Variants in DOCK2 observed in about 807,000 individuals in gnomAD.
DOCK2 encodes dedicator of cytokinesis 2.
A neutral mutation model predicts 248.9 loss-of-function variants in DOCK2; 87 were observed. The ratio of observed to expected loss-of-function variants is 0.35; its 90% CI spans 0.29 to 0.42. The LOEUF (loss-of-function observed/expected upper bound fraction) is 0.42. Ranked by LOEUF, DOCK2 falls within the 10% of genes least tolerant of loss-of-function variation. The pLI, the probability that DOCK2 is intolerant of heterozygous loss-of-function variation, is 1.00. For synonymous variants in DOCK2, 805 were observed against 821.6 expected (o/e 0.98, Z 0.35); for missense variants, 1,747 against 2,300.2 (o/e 0.76, Z 4.92).
intron 25 of DOCK2, among the ~76,000 whole-genome samples, chr5:169,771,238 C>T (rs920958976): frequency 6.6e-6 from 1 of 152,168 alleles, no homozygotes; most frequent in Non-Finnish European, 1.5e-5. Flanking sequence ...CTTTGCCACT[C>T]GTGTTTTGTT....
intron 27 of DOCK2, among the ~76,000 whole-genome samples, chr5:169,848,504 T>TACTG (rs1421849018): frequency 3.3e-5 from 5 of 152,232 alleles, no homozygotes; most frequent in African/African-American, 4.8e-5. Context: ...TGCATCCTGT[T>TACTG]ACTGACTGCT....
chr5:170,082,962 C>A lies in DOCK2; in HGVS notation c.*104C>A. 1 of 1,460,472 alleles carries A rather than the reference C, an allele frequency of 6.8e-7. No homozygotes were observed. Among genetic ancestry groups the A allele is most frequent in the East Asian group, 2.3e-5 (1 of 43,356 alleles). 90.5% of individuals were successfully genotyped at this position (1,460,472 alleles called of 1,614,324 possible). On this transcript the variant is annotated 3_prime_UTR_variant, in exon 52 of 52. Transcript: ENST00000520908. ...AGCCTCAGAGAGTGGGAGACTGTCCCCATCAGTTGTCCTTACTTAGAGGAG... is the reference window on the plus strand; with the variant it reads ...AGCCTCAGAGAGTGGGAGACTGTCCACATCAGTTGTCCTTACTTAGAGGAG...
At chr5:169,851,547 T>C (rs1003307512) in intron 27 of DOCK2, among the ~76,000 whole-genome samples, 3 of 152,220 alleles carry the variant, frequency 2.0e-5, no homozygotes, top group East Asian at 3.9e-4. Flanking sequence ...ACTGCTGCCA[T>C]TGCTGTTGCT....
intron 33 of DOCK2, among the ~76,000 whole-genome samples, chr5:170,023,660 C>A (rs1207184007): frequency 1.3e-5 from 2 of 152,172 alleles, no homozygotes; most frequent in Admixed American, 1.3e-4. Flanking sequence ...TCCAGACACC[C>A]CTTCTCACGT....
intron 25 of DOCK2, among the ~76,000 whole-genome samples, chr5:169,791,338 T>C (rs1766326559): frequency 6.6e-6 from 1 of 152,288 alleles, no homozygotes; most frequent in South Asian, 2.1e-4. Context: ...CCGACTATAG[T>C]TGAATAAAAA....
chr5:169,989,729 T>C (rs1330400240), intron 29 of DOCK2, among the ~76,000 whole-genome samples: 2 of 152,230 alleles, frequency 1.3e-5, no homozygotes, highest in African/African-American at 4.8e-5. Flanking sequence ...TTCCTCACTG[T>C]AAAATGTGGC....
At chr5:169,800,773 A>C (rs1581207530) in intron 25 of DOCK2, among the ~76,000 whole-genome samples, 1 of 152,144 alleles carries the variant, frequency 6.6e-6, no homozygotes, top group Non-Finnish European at 1.5e-5. Flanking sequence ...CCATAGAATC[A>C]GAGGAAATGC....
rs765464542 is a variant in DOCK2, at chr5:170,008,226, A to AACAAC, written c.3073-270_3073-269insCAACA. Among the ~76,000 whole-genome samples the AACAAC allele has an allele frequency of 2.3e-3, 80 of 34,622 alleles. 1 individual carries two copies. In the East Asian group the frequency reaches 0.038, roughly 16 times the overall value. The allele number at this position is 34,622 out of a possible 152,430, so 22.7% of individuals were successfully genotyped here. ...CAACAACAACAACAACAACAACAAC[A>AACAAC]AAAAAAAAAAAACCTAAAATTCTCC... On this transcript the variant is annotated intron_variant, in intron 30 of 51. Transcript: ENST00000520908.
intron 45 of DOCK2, 73 bp from the exon 46 acceptor site, chr5:170,069,064 C>A: frequency 7.3e-7 from 1 of 1,375,982 alleles, no homozygotes; most frequent in South Asian, 1.2e-5. Flanking sequence ...TGAATCTTCT[C>A]CCAGTGCCAA....
intron 9 of DOCK2, among the ~76,000 whole-genome samples, chr5:169,692,538 G>A (rs954549060): frequency 6.8e-6 from 1 of 146,766 alleles, no homozygotes; most frequent in East Asian, 2.1e-4. Flanking sequence ...GTGGGGTGGC[G>A]GGGGGGCGCT....
At chr5:169,762,978 C>T (rs542595949) in intron 25 of DOCK2, among the ~76,000 whole-genome samples, 1 of 152,306 alleles carries the variant, frequency 6.6e-6, no homozygotes, top group South Asian at 2.1e-4. Flanking sequence ...AAATTGCTGT[C>T]TGTATCCTCT....
chr5:169,911,378 C>T (rs893682258), intron 27 of DOCK2, among the ~76,000 whole-genome samples: 2 of 152,148 alleles, frequency 1.3e-5, no homozygotes, highest in African/African-American at 4.8e-5. Flanking sequence ...ATGGCGTTCA[C>T]AGGACATCAG....
At chr5:169,917,168 C>G (rs1774920493) in intron 27 of DOCK2, among the ~76,000 whole-genome samples, 1 of 152,194 alleles carries the variant, frequency 6.6e-6, no homozygotes, top group Non-Finnish European at 1.5e-5. Context: ...TTCACAGCAA[C>G]CAATCTGGGT....
At chr5:170,005,925 C>T (rs1179263431) in intron 30 of DOCK2, among the ~76,000 whole-genome samples, 1 of 152,068 alleles carries the variant, frequency 6.6e-6, no homozygotes, top group Non-Finnish European at 1.5e-5. Context: ...TTGTTGGATA[C>T]CTATTTCCCA....
chr5:169,663,292 G>C (rs1258652496), intron 2 of DOCK2, among the ~76,000 whole-genome samples: 1 of 152,228 alleles, frequency 6.6e-6, no homozygotes, highest in Non-Finnish European at 1.5e-5. Flanking sequence ...AGACCCCACA[G>C]CTTCTTTCAC....
At chr5:169,725,280 T>G (rs1463485490) in intron 22 of DOCK2, among the ~76,000 whole-genome samples, 1 of 152,186 alleles carries the variant, frequency 6.6e-6, no homozygotes, top group Non-Finnish European at 1.5e-5. Flanking sequence ...TGGCGTCAGA[T>G]CAGGATGAAA....
chr5:169,720,538 C>T (rs975781318), intron 22 of DOCK2, among the ~76,000 whole-genome samples: 3 of 151,776 alleles, frequency 2.0e-5, no homozygotes, highest in African/African-American at 7.3e-5. Flanking sequence ...CTTGCAGTGC[C>T]TGAAGCTCAG....
chr5:169,700,908 G>A (rs982877388), intron 13 of DOCK2, among the ~76,000 whole-genome samples: 18 of 145,478 alleles, frequency 1.2e-4, no homozygotes, highest in Non-Finnish European at 2.3e-4. Flanking sequence ...GAGAAAGAAA[G>A]GAAGGAACGA....
At chr5:169,863,621 G>A (rs1422746961) in intron 27 of DOCK2, among the ~76,000 whole-genome samples, 4 of 152,244 alleles carry the variant, frequency 2.6e-5, no homozygotes, top group Non-Finnish European at 5.9e-5. Context: ...ATACCCTGGG[G>A]TGGCCTGACT....
Sources: gnomAD v4.1 joint callset for allele counts (sites outside exome capture counted in the v4.1 genomes callset) on GRCh38, gnomAD v4.1.1 for gene constraint, MANE v1.5 for transcripts, NCBI Gene and HGNC (gene_info 2026-07-23, HGNC 2026-07-21) for gene names.